The following MTSS1 variants were observed in gnomAD, a reference collection of about 807,000 sequenced individuals.
The protein encoded by MTSS1 is MTSS I-BAR domain containing 1, also known as protein MTSS 1.
Under a neutral mutation model 79.0 loss-of-function variants are expected in MTSS1, and 18 were observed. That is an observed-to-expected ratio of 0.23 (90% CI 0.16 to 0.34). The LOEUF is 0.34. Ranked by LOEUF, MTSS1 falls within the 10% of genes least tolerant of loss-of-function variation. The probability of loss-of-function intolerance (pLI) is 1.00; values close to 1 mark genes in which losing one functional copy is unlikely to be tolerated. For synonymous variants in MTSS1, 341 were observed against 368.6 expected, an observed-to-expected ratio of 0.93 and a Z score of 0.86; for missense variants, 815 against 986.2, an observed-to-expected ratio of 0.83 and a Z score of 2.33.
At chr8:124,643,212 G>A (rs1818378518) in intron 3 of MTSS1, among the ~76,000 whole-genome samples, 1 of 152,088 alleles carries the variant, frequency 6.6e-6, no homozygotes, top group South Asian at 2.1e-4. Context: ...AATCCCACAT[G>A]AGGACTCCAT....
chr8:124,691,935 T>G (rs1342582582), intron 3 of MTSS1, among the ~76,000 whole-genome samples: 2 of 152,058 alleles, frequency 1.3e-5, no homozygotes, highest in African/African-American at 4.8e-5. Context: ...GTTTTTAATT[T>G]GAAAAAAAAT....
intron 7 of MTSS1, chr8:124,567,948 T>A (rs1442828358): frequency 1.4e-6 from 2 of 1,396,942 alleles, no homozygotes; most frequent in Non-Finnish European, 1.9e-6. Context: ...CATCTCATGG[T>A]CACCCCTTAG....
chr8:124,628,763 G>A lies in MTSS1; in HGVS notation c.209-37528C>T, dbSNP rs117958680. Among the ~76,000 whole-genome samples, 137 of 152,248 alleles carry A rather than the reference G, an allele frequency of 9.0e-4. 2 individuals are homozygous for A. The East Asian group carries it at 0.018, about 20-fold the overall frequency. ...CCTTGTGTAATTTCATCTAATCCTC[G>A]CAACAACCCTCTGAGGCAATTCTTC... is the stretch of plus-strand genomic sequence containing the variant. On this transcript the variant is annotated intron_variant, in intron 3 of 13. Transcript: ENST00000518547.
chr8:124,609,132 CCAGG>C (rs1332289817), intron 3 of MTSS1, among the ~76,000 whole-genome samples: 1 of 152,184 alleles, frequency 6.6e-6, no homozygotes, highest in Non-Finnish European at 1.5e-5. Flanking sequence ...AGAGCCCCTG[CCAGG>C]TGAAATCCAG....
chr8:124,599,602 A>T (rs907691792), intron 3 of MTSS1, among the ~76,000 whole-genome samples: 1 of 152,146 alleles, frequency 6.6e-6, no homozygotes, highest in African/African-American at 2.4e-5. Flanking sequence ...AAATATAACA[A>T]ATGTGAGTGT....
chr8:124,707,712 GAAAA>G (rs71289688), intron 1 of MTSS1, among the ~76,000 whole-genome samples: 1 of 141,452 alleles, frequency 7.1e-6, no homozygotes, highest in African/African-American at 2.6e-5. Context: ...CATCTCAAAA[GAAAA>G]AAAAAAAAAC....
intron 13 of MTSS1, among the ~76,000 whole-genome samples, chr8:124,554,355 C>G (rs1586744710): frequency 6.6e-6 from 1 of 152,102 alleles, no homozygotes; most frequent in Non-Finnish European, 1.5e-5. Flanking sequence ...GCTGTGTATT[C>G]TGGGATGTTT....
chr8:124,601,069 T>TG (rs1833708601), intron 3 of MTSS1, among the ~76,000 whole-genome samples: 2 of 145,944 alleles, frequency 1.4e-5, no homozygotes, highest in African/African-American at 5.1e-5. Flanking sequence ...GTAATTTTTT[T>TG]TTTTTTTTTT....
rs190254611 is a variant in MTSS1, at chr8:124,638,027, C to T, written c.209-46792G>A. Among the ~76,000 whole-genome samples the T allele has an allele frequency of 2.6e-5, 4 of 152,352 alleles. No homozygotes were observed. In the East Asian group the frequency reaches 5.8e-4, roughly 22 times the overall value. ...TCCAGCTGGGAGCAGCGTAGTACTT[C>T]CCAAACTTTAATGTATAGAAGAATC... On this transcript the variant is annotated intron_variant, in intron 3 of 13. Transcript: ENST00000518547.
intron 3 of MTSS1, among the ~76,000 whole-genome samples, chr8:124,663,795 G>C (rs575660562): frequency 6.6e-6 from 1 of 152,114 alleles, no homozygotes; most frequent in African/African-American, 2.4e-5. Context: ...TGAGTAAGAC[G>C]TGGTCCCATT....
chr8:124,661,457 C>A (rs549688286), intron 3 of MTSS1, among the ~76,000 whole-genome samples: 1 of 152,268 alleles, frequency 6.6e-6, no homozygotes, highest in South Asian at 2.1e-4. Flanking sequence ...AAAGCACTAG[C>A]TCTTAGAAAC....
rs140708473 is a variant in MTSS1, at chr8:124,670,154, G to A, written c.208+29372C>T. Among the ~76,000 whole-genome samples, 212 of 152,282 alleles carry A rather than the reference G, an allele frequency of 1.4e-3. 2 individuals are homozygous for A. The highest frequency in any genetic ancestry group is 2.6e-4 in the Non-Finnish European group (18 of 68,012). On this transcript the variant is annotated intron_variant, in intron 3 of 13. Coordinates refer to ENST00000518547, the MANE Select transcript of MTSS1 (RefSeq NM_014751.6). The stretch of plus-strand genomic sequence containing the variant: ...CTGCCAAGGAACAGAAAGGATAAAT[G>A]GGGTGTGCAGTGGGAGGAGGATGGG...
At chr8:124,717,134 G>A (rs111848242) in intron 1 of MTSS1, among the ~76,000 whole-genome samples, 11,011 of 151,864 alleles carry the variant, frequency 0.073, 507 homozygotes, top group African/African-American at 0.13. Context: ...ACATCTTCAC[G>A]GTTCTTAAGT....
chr8:124,624,414 G>A (rs1814246021), intron 3 of MTSS1, among the ~76,000 whole-genome samples: 1 of 152,178 alleles, frequency 6.6e-6, no homozygotes, highest in African/African-American at 2.4e-5. Flanking sequence ...GAGAACTGGT[G>A]AGCAAAAGCA....
chr8:124,648,329 G>T (rs1415634312), intron 3 of MTSS1, among the ~76,000 whole-genome samples: 3 of 151,824 alleles, frequency 2.0e-5, no homozygotes, highest in Non-Finnish European at 4.4e-5. Context: ...GGACTCTTTG[G>T]GTGCAGTTTA....
intron 3 of MTSS1, among the ~76,000 whole-genome samples, chr8:124,608,608 A>C (rs9297695): frequency 0.31 from 46,498 of 152,092 alleles, 9,087 homozygotes; most frequent in African/African-American, 0.55. Flanking sequence ...AATTCCCAAC[A>C]CTTAAGGCCT....
At chr8:124,589,463 C>G (rs898720072) in intron 5 of MTSS1, among the ~76,000 whole-genome samples, 157 bp downstream of exon 5, 5 of 152,178 alleles carry the variant, frequency 3.3e-5, no homozygotes, top group African/African-American at 1.2e-4. Flanking sequence ...CTCCTCATCC[C>G]CTGACACGGA....
At position 124,552,743 on chromosome 8, in the gene MTSS1, T is replaced by A. The variant is rs1822724352; in HGVS notation, c.*249A>T. ...ATGGAATTTGGCACCTTCAGAAAAA[T>A]CAAAAGGGAAACTAAGATTAAAATG... On this transcript the variant is annotated 3_prime_UTR_variant, in exon 14 of 14. Coordinates refer to ENST00000518547, the MANE Select transcript of MTSS1 (RefSeq NM_014751.6). The A allele has an allele frequency of 2.3e-6, 1 of 440,436 alleles. No individual in the cohort carries two copies. The highest frequency in any genetic ancestry group is 4.0e-6 in the Non-Finnish European group (1 of 251,620). 27.3% of individuals were successfully genotyped at this position (440,436 alleles called of 1,614,324 possible).
At chr8:124,677,264 T>TTCTACC (rs1825460894) in intron 3 of MTSS1, among the ~76,000 whole-genome samples, 1 of 152,126 alleles carries the variant, frequency 6.6e-6, no homozygotes. Flanking sequence ...GAAATATATT[T>TTCTACC]TCTACCTCTA....
Sources: gnomAD v4.1 joint callset for allele counts (sites outside exome capture counted in the v4.1 genomes callset) on GRCh38, gnomAD v4.1.1 for gene constraint, MANE v1.5 for transcripts, NCBI Gene and HGNC (gene_info 2026-07-23, HGNC 2026-07-21) for gene names.